PDS5B: variants seen among roughly 807,000 people sequenced by gnomAD.
The protein encoded by PDS5B is sister chromatid cohesion protein PDS5 homolog B.
Under a neutral mutation model 184.1 loss-of-function variants are expected in PDS5B, and 51 were observed. That is an observed-to-expected ratio of 0.28 (90% CI 0.22 to 0.35). The LOEUF (loss-of-function observed/expected upper bound fraction) is 0.35, where lower values mean the gene tolerates loss of function less well. Among genes scored for constraint, PDS5B ranks in the 10% least tolerant of loss-of-function variants. PDS5B has a pLI of 1.00. For synonymous variants in PDS5B, 566 were observed against 569.2 expected, an observed-to-expected ratio of 0.99 and a Z score of 0.08; for missense variants, 1,180 against 1,723.3, an observed-to-expected ratio of 0.68 and a Z score of 5.58.
Position 32,748,674 on chromosome 13 carries a change from A to G in PDS5B, c.2736+2574A>G, listed in dbSNP as rs1003615175. ...CTGTGAATATAATACTGAGAGTTAT[A>G]ATATTTCCCAGATCTATTCTTTCTT... On this transcript the variant is annotated intron_variant, in intron 24 of 34. Transcript: ENST00000315596. 6.6e-5 allele frequency among the ~76,000 whole-genome samples: 10 copies of G among 152,246 alleles called. No individual in the cohort carries two copies. In the South Asian group the frequency reaches 1.2e-3, roughly 19 times the overall value.
At chr13:32,653,465 A>G (rs1269671963) in intron 3 of PDS5B, among the ~76,000 whole-genome samples, 1 of 152,170 alleles carries the variant, frequency 6.6e-6, no homozygotes, top group Non-Finnish European at 1.5e-5. Flanking sequence ...AAACCCAGGC[A>G]TGGTTCTTGG....
chr13:32,658,854 A>T (rs1950577708), intron 5 of PDS5B, among the ~76,000 whole-genome samples: 2 of 152,152 alleles, frequency 1.3e-5, no homozygotes, highest in Admixed American at 1.3e-4. Flanking sequence ...ACTGGAATTA[A>T]CTTCAGAGCA....
In PDS5B at chr13:32,721,173, C is replaced by T. The variant is rs540918331; in HGVS notation, c.2124-10928C>T. 3.8e-3 allele frequency among the ~76,000 whole-genome samples: 571 copies of T among 152,236 alleles called. 1 individual carries two copies. Among genetic ancestry groups the T allele is most frequent in the South Asian group, 6.0e-3 (29 of 4,824 alleles). ...GCTGTTGGGTACACCTCCCAGACGG[C>T]GTGGTGGCTGGGCAGAGGGGCTCCT... is the stretch of plus-strand genomic sequence containing the variant. On this transcript the variant is annotated intron_variant, in intron 19 of 34. Transcript: ENST00000315596.
At chr13:32,727,687 T>G (rs766463131) in intron 19 of PDS5B, among the ~76,000 whole-genome samples, 2 of 152,128 alleles carry the variant, frequency 1.3e-5, no homozygotes, top group Non-Finnish European at 2.9e-5. Flanking sequence ...TTCCTCTGTT[T>G]TTGCACTGCT....
chr13:32,599,452 G>C (rs1593239394), intron 1 of PDS5B, among the ~76,000 whole-genome samples: 1 of 151,560 alleles, frequency 6.6e-6, no homozygotes, highest in Non-Finnish European at 1.5e-5. Flanking sequence ...TTTTAGTAGA[G>C]ATGGGGTTTC....
chr13:32,716,402 A>G (rs1952413426), intron 19 of PDS5B, among the ~76,000 whole-genome samples: 1 of 146,408 alleles, frequency 6.8e-6, no homozygotes, highest in South Asian at 2.2e-4. Context: ...CCCGTTTGAG[A>G]AGTGAGGAGA....
intron 6 of PDS5B, among the ~76,000 whole-genome samples, chr13:32,663,074 T>A (rs1247239027): frequency 1.3e-5 from 2 of 152,066 alleles, no homozygotes; most frequent in Non-Finnish European, 2.9e-5. Context: ...TTTTAAAAAC[T>A]CTGCCTATAA....
At chr13:32,655,357 G>T (rs1189028990) in intron 3 of PDS5B, among the ~76,000 whole-genome samples, 4 of 25,370 alleles carry the variant, frequency 1.6e-4, no homozygotes, top group Admixed American at 1.2e-3. Context: ...CATGTTCTTT[G>T]CCATATATAT....
At chr13:32,614,391 G>T (rs1007319578) in intron 1 of PDS5B, among the ~76,000 whole-genome samples, 11 of 151,272 alleles carry the variant, frequency 7.3e-5, no homozygotes, top group African/African-American at 2.7e-4. Context: ...TCCGCCTCCC[G>T]GGTTCAGGCG....
intron 1 of PDS5B, among the ~76,000 whole-genome samples, chr13:32,646,369 GTTTTTTT>G (rs58539534): frequency 4.7e-5 from 5 of 106,086 alleles, no homozygotes; most frequent in East Asian, 3.6e-4. Context: ...TCATGGCTGT[GTTTTTTT>G]TTTTTTTTTT....
At chr13:32,597,529 T>TA (rs1001409195) in intron 1 of PDS5B, among the ~76,000 whole-genome samples, 3 of 142,604 alleles carry the variant, frequency 2.1e-5, no homozygotes, top group Admixed American at 7.1e-5. Context: ...CCTGTCTCTT[T>TA]AAAAAAAAGA....
chr13:32,630,691 C>T (rs1445855540), intron 1 of PDS5B, among the ~76,000 whole-genome samples: 1 of 152,128 alleles, frequency 6.6e-6, no homozygotes, highest in African/African-American at 2.4e-5. Context: ...CAGGTATTTG[C>T]ATGGTTTATC....
At chr13:32,656,274 T>TTC (rs34939822) in intron 3 of PDS5B, among the ~76,000 whole-genome samples, 8 of 22,724 alleles carry the variant, frequency 3.5e-4, no homozygotes, top group Non-Finnish European at 4.9e-4. Flanking sequence ...CTCCAGCTTC[T>TTC]TTTTTTTTTT....
chr13:32,611,820 C>T (rs1017455871), intron 1 of PDS5B, among the ~76,000 whole-genome samples: 7 of 151,586 alleles, frequency 4.6e-5, no homozygotes, highest in African/African-American at 7.3e-5. Context: ...TCACTGCCCC[C>T]GCCCCCCTTT....
At chr13:32,694,202 G>A (rs749810778) in intron 13 of PDS5B, 21 bp from the exon 14 acceptor site, 1 of 1,479,482 alleles carries the variant, frequency 6.8e-7, no homozygotes, top group Non-Finnish European at 9.4e-7. Flanking sequence ...TTATTTAAAT[G>A]TGTATGTTTG....
intron 1 of PDS5B, among the ~76,000 whole-genome samples, chr13:32,621,430 G>A (rs1360624535): frequency 6.6e-6 from 1 of 152,178 alleles, no homozygotes; most frequent in African/African-American, 2.4e-5. Context: ...TTTTGCCACT[G>A]CGCTCCAGCC....
intron 19 of PDS5B, among the ~76,000 whole-genome samples, chr13:32,715,746 T>G (rs973540592): frequency 8.5e-5 from 13 of 152,150 alleles, no homozygotes; most frequent in Non-Finnish European, 1.9e-4. Context: ...CTCGGCTCAC[T>G]GCAACCTCCC....
intron 17 of PDS5B, among the ~76,000 whole-genome samples, 186 bp downstream of exon 17, chr13:32,701,624 A>G (rs1174773476): frequency 6.6e-5 from 2 of 30,388 alleles, no homozygotes; most frequent in Non-Finnish European, 1.1e-4. Flanking sequence ...ACACACACAT[A>G]TATATATATA....
chr13:32,731,743 A>G (rs187087178), intron 19 of PDS5B, among the ~76,000 whole-genome samples: 61 of 152,152 alleles, frequency 4.0e-4, no homozygotes, highest in African/African-American at 1.4e-3. Context: ...AAGAAGAGAC[A>G]GTGTCAGTTT....
Sources: gnomAD v4.1 joint callset for allele counts (sites outside exome capture counted in the v4.1 genomes callset) on GRCh38, gnomAD v4.1.1 for gene constraint, MANE v1.5 for transcripts, NCBI Gene and HGNC (gene_info 2026-07-23, HGNC 2026-07-21) for gene names.